FCER2: variants seen among roughly 807,000 people sequenced by gnomAD.
The protein encoded by FCER2 is low affinity immunoglobulin epsilon Fc receptor.
Under a neutral mutation model 49.7 loss-of-function variants are expected in FCER2, and 38 were observed. That is an observed-to-expected ratio of 0.76 (90% CI 0.59 to 1.00). FCER2 has a LOEUF of 1.00. Ranked by LOEUF, FCER2 falls within the 50% of genes least tolerant of loss-of-function variation. The pLI, the probability that FCER2 is intolerant of heterozygous loss-of-function variation, is 0.00. For missense variants in FCER2, 425 were observed against 419.5 expected, an observed-to-expected ratio of 1.01 and a Z score of -0.11; for synonymous variants, 163 against 164.6, an observed-to-expected ratio of 0.99 and a Z score of 0.07.
intron 1 of FCER2, among the ~76,000 whole-genome samples, chr19:7,700,302 CAT>C (rs1403320747): frequency 6.6e-6 from 1 of 152,130 alleles, no homozygotes; most frequent in East Asian, 1.9e-4. Flanking sequence ...GCACCCAACT[CAT>C]GAGGCCAAGA....
rs142202660 is a variant in FCER2 at position 7,689,325 on chromosome 19, G to T, written c.834C>A (p.Gly278=). ...WNDAFCDRKL[G]AWVCDRLATC... is the part of the protein sequence containing the mutation. ...TGGCCAGCCGGTCGCACACCCAGGC[G>T]CCCAGCTTACGGTCGCAGAAGGCGT... The change falls in exon 11 of 11, where the codon GGC becomes GGA. Residue 278 remains glycine, a synonymous_variant. Coordinates refer to ENST00000597921, the MANE Select transcript of FCER2 (RefSeq NM_001220500.2). 2 of 1,612,996 alleles carry T rather than the reference G, an allele frequency of 1.2e-6. No homozygotes were observed. The highest frequency in any genetic ancestry group is 1.7e-6 in the Non-Finnish European group (2 of 1,179,666).
At position 7,698,421 on chromosome 19, in the gene FCER2, GAGAGA is replaced by G; in HGVS notation, c.137-17_137-13del. Reference sequence around the variant, plus strand: ...TGTGGTGTCCCAGTCTGGGGAGGGGGAGAGAAGAGGAGTGGAGAGGGGGGATTGTC... The same window carrying G: ...TGTGGTGTCCCAGTCTGGGGAGGGGGAGAGGAGTGGAGAGGGGGGATTGTC... On this transcript the variant is annotated splice_polypyrimidine_tract_variant and intron_variant, in intron 3 of 10. Transcript: ENST00000597921. 1.2e-6 allele frequency: 2 copies of G among 1,603,040 alleles called. No homozygotes were observed. The highest frequency in any genetic ancestry group is 1.7e-6 in the Non-Finnish European group (2 of 1,172,646).
chr19:7,690,346 G>A (rs2032828165), intron 9 of FCER2, 60 bp downstream of exon 9: 3 of 1,599,578 alleles, frequency 1.9e-6, no homozygotes, highest in African/African-American at 1.4e-5. Context: ...GGGTAGAGTG[G>A]GGTGGGGGTC....
Position 7,689,151 on chromosome 19 carries a change from G to T in FCER2, c.*42C>A. Reference sequence around the variant, plus strand: ...CAAAGAGGCTTTTAGGCCGTGGTTGGGGGTCTTCAGGGTCTTGCTCTGGGC... The same window carrying T: ...CAAAGAGGCTTTTAGGCCGTGGTTGTGGGTCTTCAGGGTCTTGCTCTGGGC... On this transcript the variant is annotated 3_prime_UTR_variant, in exon 11 of 11. Coordinates refer to ENST00000597921, the MANE Select transcript of FCER2 (RefSeq NM_001220500.2). 7.2e-7 allele frequency: 1 copy of T among 1,383,064 alleles called. No individual in the cohort carries two copies. Among genetic ancestry groups the T allele is most frequent in the South Asian group, 1.2e-5 (1 of 85,236 alleles). The allele number at this position is 1,383,064 out of a possible 1,614,324, so 85.7% of individuals were successfully genotyped here. A position where few individuals can be genotyped will look rare whatever the true frequency, so the allele number is the denominator to read the frequency against.
chr19:7,691,442 A>C (rs62110721), intron 8 of FCER2, among the ~76,000 whole-genome samples: 52,769 of 151,450 alleles, frequency 0.35, 10,292 homozygotes, highest in African/African-American at 0.53. Context: ...ATCGCCATCG[A>C]CAGCTCATAG....
chr19:7,695,001 AT>A (rs535592335), intron 8 of FCER2, among the ~76,000 whole-genome samples: 3 of 151,974 alleles, frequency 2.0e-5, no homozygotes, highest in African/African-American at 7.2e-5. Context: ...CATCTGGCTA[AT>A]TTTTTCATGT....
chr19:7,698,368 C>T lies in FCER2; in HGVS notation c.178G>A (p.Ala60Thr), dbSNP rs767831574. 1.9e-5 allele frequency: 30 copies of T among 1,612,120 alleles called. No individual in the cohort carries two copies. Among genetic ancestry groups the T allele is most frequent in the Non-Finnish European group, 2.2e-5 (26 of 1,178,812 alleles). ...TQSLKQLEER[A>T]ARNVSQVSKN... ...GACCCCTTCATACCGTTCCGGGCAG[C>T]CCTCTCTTCCAGCTGTTTTAGACTC... Residue 60 changes from alanine to threonine, a missense_variant, in exon 4 of 11, where the codon GCT (alanine) becomes ACT (threonine). Ala to Thr is a moderately conservative substitution (Grantham distance 58). Coordinates refer to ENST00000597921, the MANE Select transcript of FCER2 (RefSeq NM_001220500.2).
chr19:7,689,208 G>A lies in FCER2; in HGVS notation c.951C>T (p.Ala317=). ...DPDGRLPTPS[A]PLHS The stretch of plus-strand genomic sequence containing the variant: ...GTATCCATGCTCAAGAGTGGAGAGG[G>A]GCAGAGGGGGTGGGCAGGCGGCCGT... The change falls in exon 11 of 11, where the codon GCC becomes GCT. Residue 317 remains alanine (A), a synonymous_variant. Transcript: ENST00000597921. 1 of 1,610,698 alleles carries A rather than the reference G, an allele frequency of 6.2e-7. No individual in the cohort carries two copies. Among genetic ancestry groups the A allele is most frequent in the Non-Finnish European group, 8.5e-7 (1 of 1,177,186 alleles).
chr19:7,688,826 T>C lies in FCER2; in HGVS notation c.*367A>G. The C allele has an allele frequency of 4.1e-6, 1 of 241,830 alleles. No individual in the cohort carries two copies. The highest frequency in any genetic ancestry group is 1.0e-4 in the South Asian group (1 of 9,622). 15.0% of individuals were successfully genotyped at this position (241,830 alleles called of 1,614,324 possible). Reference sequence around the variant, plus strand: ...ATTGATGCAGGCTGGACAGGAGGACTCACCACCTGAGCTGGGGATACTCAG... The same window carrying C: ...ATTGATGCAGGCTGGACAGGAGGACCCACCACCTGAGCTGGGGATACTCAG... On this transcript the variant is annotated 3_prime_UTR_variant, in exon 11 of 11. Coordinates refer to ENST00000597921, the MANE Select transcript of FCER2 (RefSeq NM_001220500.2).
In FCER2 at chr19:7,699,863, G is replaced by T; in HGVS notation, c.-85-18C>A. The T allele has an allele frequency of 2.7e-6, 3 of 1,116,166 alleles. No homozygotes were observed. The highest frequency in any genetic ancestry group is 4.1e-6 in the Non-Finnish European group (3 of 739,230). The allele number at this position is 1,116,166 out of a possible 1,614,324, so 69.1% of individuals were successfully genotyped here. A position where few individuals can be genotyped will look rare whatever the true frequency, so the allele number is the denominator to read the frequency against. On this transcript the variant is annotated intron_variant, in intron 1 of 10. Coordinates refer to ENST00000597921, the MANE Select transcript of FCER2 (RefSeq NM_001220500.2). Reference sequence around the variant, plus strand: ...AGCTCTGGCTGATTTGGGATTTAATGATGGTTAGGGTGAGCCATCAAATCC... The same window carrying T: ...AGCTCTGGCTGATTTGGGATTTAATTATGGTTAGGGTGAGCCATCAAATCC...
intron 8 of FCER2, among the ~76,000 whole-genome samples, chr19:7,694,044 G>A (rs35414721): frequency 0.27 from 40,598 of 150,046 alleles, 6,140 homozygotes; most frequent in African/African-American, 0.42. Flanking sequence ...CTCCTGCCTC[G>A]GCCTCCCAAA....
chr19:7,690,180 T>TAAACTCCACGTGG lies in FCER2; in HGVS notation c.706_707insCCACGTGGAGTTT (p.Asp236AlafsTer45). The TAAACTCCACGTGG allele has an allele frequency of 6.2e-7, 1 of 1,612,798 alleles. No homozygotes were observed. Among genetic ancestry groups the TAAACTCCACGTGG allele is most frequent in the Non-Finnish European group, 8.5e-7 (1 of 1,178,866 alleles). On this transcript the variant is annotated frameshift_variant, in exon 10 of 11. Transcript: ENST00000597921. LOFTEE classifies it high-confidence loss of function. ...TCACCTGTAGTCCACGTGGCTCCCA[T>TAAACTCCACGTGG]CCACCCAGATAAACTCCCCCTTCAG...
intron 6 of FCER2, 54 bp downstream of exon 6, chr19:7,697,182 C>T (rs1568490039): frequency 6.2e-7 from 1 of 1,607,566 alleles, no homozygotes; most frequent in Non-Finnish European, 8.5e-7. Flanking sequence ...GGCTCTGAGA[C>T]ACTCCCTCCT....
Position 7,698,347 on chromosome 19 carries a change from C to T in FCER2, c.190+9G>A, listed in dbSNP as rs2033071209. The T allele has an allele frequency of 6.2e-7, 1 of 1,603,862 alleles. No individual in the cohort carries two copies. The highest frequency in any genetic ancestry group is 8.5e-7 in the Non-Finnish European group (1 of 1,173,072). On this transcript the variant is annotated intron_variant, in intron 4 of 10. Coordinates refer to ENST00000597921, the MANE Select transcript of FCER2 (RefSeq NM_001220500.2). ...CACCCCCACCCCCTCCACCTTGACC[C>T]CTTCATACCGTTCCGGGCAGCCCTC...
At position 7,689,392 on chromosome 19, in the gene FCER2, C is replaced by T. The variant is rs1203339878; in HGVS notation, c.767G>A (p.Gly256Asp). 1 of 1,604,864 alleles carries T rather than the reference C, an allele frequency of 6.2e-7. No homozygotes were observed. The change falls in exon 11 of 11, where the codon GGC becomes GAC. Residue 256 changes from glycine (G) to aspartate (D), a missense_variant. By Grantham distance (94) the Gly-to-Asp change is moderately conservative. Coordinates refer to ENST00000597921, the MANE Select transcript of FCER2 (RefSeq NM_001220500.2). ...GCCCCGCATCATCACGCAGTCCTCG[C>T]CCTGGCTCCGGCTGGTGGGCTCCCC... Reference protein sequence around the residue: ...APGEPTSRSQGEDCVMMRGSG... With the variant: ...APGEPTSRSQDEDCVMMRGSG...
chr19:7,700,866 A>C (rs939194202), intron 1 of FCER2, among the ~76,000 whole-genome samples: 7 of 150,766 alleles, frequency 4.6e-5, no homozygotes, highest in African/African-American at 1.7e-4. Context: ...GCTAGAGTGC[A>C]ATGGCACCAT....
chr19:7,691,247 A>G (rs2032863341), intron 8 of FCER2, among the ~76,000 whole-genome samples: 1 of 151,924 alleles, frequency 6.6e-6, no homozygotes, highest in African/African-American at 2.4e-5. Context: ...TCATCGCTAC[A>G]AGCACCACCA....
chr19:7,701,562 G>A (rs1164216751), intron 1 of FCER2, among the ~76,000 whole-genome samples: 4 of 151,876 alleles, frequency 2.6e-5, no homozygotes, highest in Non-Finnish European at 5.9e-5. Flanking sequence ...TCCCCATCAC[G>A]CAGTGGTGGG....
Position 7,697,599 on chromosome 19 carries a change from CGG to C in FCER2, c.191-12_191-11del. The C allele has an allele frequency of 6.2e-7, 1 of 1,613,534 alleles. No individual in the cohort carries two copies. On this transcript the variant is annotated splice_polypyrimidine_tract_variant and intron_variant, in intron 4 of 10. Transcript: ENST00000597921. ...TTGGAAACTTGAGAGACTGGAGCGG[CGG>C]GAGAGAAGAGATATCCCAGGAACCT...
Sources: allele counts gnomAD v4.1 joint callset (sites outside exome capture counted in the v4.1 genomes callset), GRCh38; gene constraint gnomAD v4.1.1; transcripts MANE v1.5; gene names NCBI Gene and HGNC (gene_info 2026-07-23, HGNC 2026-07-21).